ZNF583: variants seen among roughly 807,000 people sequenced by gnomAD.
The protein encoded by ZNF583 is zinc finger protein L3-5.
A neutral mutation model predicts 55.3 loss-of-function variants in ZNF583; 30 were observed. That is an observed-to-expected ratio of 0.54 (90% CI 0.41 to 0.74). The LOEUF (loss-of-function observed/expected upper bound fraction) is 0.74, where lower values mean the gene tolerates loss of function less well. Ranked by LOEUF, ZNF583 falls within the 30% of genes least tolerant of loss-of-function variation. ZNF583 has a pLI of 0.00. For missense variants in ZNF583, 504 were observed against 664.7 expected, an observed-to-expected ratio of 0.76 and a Z score of 2.66; for synonymous variants, 208 against 220.0, an observed-to-expected ratio of 0.95 and a Z score of 0.48.
Position 56,407,106 on chromosome 19 carries a change from C to T in ZNF583, c.-9C>T, listed in dbSNP as rs2042165952. ...AGAAGAACTGTCAAATTCTGGAATC[C>T]TTAAAGCCATGTCCAAGGTAAGGAA... is the stretch of plus-strand genomic sequence containing the variant. On this transcript the variant is annotated 5_prime_UTR_variant, in exon 2 of 5. Transcript: ENST00000333201. The T allele has an allele frequency of 6.2e-7, 1 of 1,613,980 alleles. No individual in the cohort carries two copies. Among genetic ancestry groups the T allele is most frequent in the Non-Finnish European group, 8.5e-7 (1 of 1,180,016 alleles).
chr19:56,424,267 C>A lies in ZNF583; in HGVS notation c.1609C>A (p.His537Asn). The change falls in exon 5 of 5, where the codon CAT (histidine) becomes AAT (asparagine). Residue 537 changes from histidine to asparagine, a missense_variant. His to Asn is a moderately conservative substitution (Grantham distance 68). This residue lies in a region of ZNF583 where 63 missense variants were observed against 56.5 expected (regional missense o/e 1.11). Transcript: ENST00000333201. ...KSFRQRAHLA[H>N]HERIHTMESF... ...TTTCAGGCAGCGTGCACATCTTGCT[C>A]ATCATGAGAGAATTCATACTATGGA... is the stretch of plus-strand genomic sequence containing the variant. The A allele has an allele frequency of 6.2e-7, 1 of 1,613,960 alleles. No homozygotes were observed.
chr19:56,426,921 A>T lies in ZNF583; in HGVS notation c.*2553A>T, dbSNP rs1356468339. On this transcript the variant is annotated 3_prime_UTR_variant, in exon 5 of 5. Coordinates refer to ENST00000333201, the MANE Select transcript of ZNF583 (RefSeq NM_152478.3). Reference sequence around the variant, plus strand: ...CTCCAGATTCTATTATACACATAGAACAATGTAAATGATTCTTAAAAAAAA... The same window carrying T: ...CTCCAGATTCTATTATACACATAGATCAATGTAAATGATTCTTAAAAAAAA... 1 of 144,530 alleles carries T rather than the reference A, an allele frequency of 6.9e-6. No homozygotes were observed. Among genetic ancestry groups the T allele is most frequent in the Non-Finnish European group, 1.5e-5 (1 of 66,352 alleles). 9.0% of individuals were successfully genotyped at this position (144,530 alleles called of 1,614,324 possible).
In ZNF583 at chr19:56,418,663, G is replaced by A. The variant is rs552476888; in HGVS notation, c.232+4223G>A. On this transcript the variant is annotated intron_variant, in intron 4 of 4. Coordinates refer to ENST00000333201, the MANE Select transcript of ZNF583 (RefSeq NM_152478.3). ...TAATGGTTGCCCTCACAGTTATTTTGTAGGTCCATGAGGATTTTTTGGATG... is the reference window on the plus strand; with the variant it reads ...TAATGGTTGCCCTCACAGTTATTTTATAGGTCCATGAGGATTTTTTGGATG... Among the ~76,000 whole-genome samples, 5 of 152,090 alleles carry A rather than the reference G, an allele frequency of 3.3e-5. No individual in the cohort carries two copies. In the East Asian group the frequency reaches 9.6e-4, roughly 29 times the overall value.
chr19:56,406,446 T>C (rs1355008005), intron 1 of ZNF583, among the ~76,000 whole-genome samples: 2 of 152,140 alleles, frequency 1.3e-5, no homozygotes, highest in Non-Finnish European at 2.9e-5. Context: ...AATCCTTGCT[T>C]GGTAATACCA....
At position 56,424,496 on chromosome 19, in the gene ZNF583, T is replaced by C. The variant is rs1412710799; in HGVS notation, c.*128T>C. ...GTCTCCTTGTACTCACCATTGTCTC[T>C]GTCAGATGTCCACATTGCAACCAAA... On this transcript the variant is annotated 3_prime_UTR_variant, in exon 5 of 5. Coordinates refer to ENST00000333201, the MANE Select transcript of ZNF583 (RefSeq NM_152478.3). The C allele has an allele frequency of 6.4e-5, 36 of 560,188 alleles. No homozygotes were observed. Among genetic ancestry groups the C allele is most frequent in the Non-Finnish European group, 2.8e-5 (9 of 316,232 alleles). 34.7% of individuals were successfully genotyped at this position (560,188 alleles called of 1,614,324 possible). A position where few individuals can be genotyped will look rare whatever the true frequency, so the allele number is the denominator to read the frequency against.
In ZNF583 at chr19:56,407,008, T is replaced by G; in HGVS notation, c.-89-18T>G. The G allele has an allele frequency of 7.4e-7, 1 of 1,359,118 alleles. No individual in the cohort carries two copies. Among genetic ancestry groups the G allele is most frequent in the Non-Finnish European group, 1.0e-6 (1 of 969,942 alleles). 84.2% of individuals were successfully genotyped at this position (1,359,118 alleles called of 1,614,324 possible). A position where few individuals can be genotyped will look rare whatever the true frequency, so the allele number is the denominator to read the frequency against. ...GCAGGGCAGGCCTGGCATTTTATGG[T>G]TTCTTTTCCTTCTCCAGCTCGACTT... On this transcript the variant is annotated intron_variant, in intron 1 of 4. Transcript: ENST00000333201.
rs535152309 is a variant in ZNF583, at chr19:56,421,516, C to T, written c.233-1375C>T. ...GAGGCAGCACAGCGGAATTAGCAGCCTCAATTTAAGTATGTTGCCTTCAGA... is the reference window on the plus strand; with the variant it reads ...GAGGCAGCACAGCGGAATTAGCAGCTTCAATTTAAGTATGTTGCCTTCAGA... On this transcript the variant is annotated intron_variant, in intron 4 of 4. Transcript: ENST00000333201. The T allele has an allele frequency of 8.1e-6, 8 of 985,092 alleles. No individual in the cohort carries two copies. The South Asian group carries it at 3.8e-4, about 46-fold the overall frequency. The allele number at this position is 985,092 out of a possible 1,614,324, so 61.0% of individuals were successfully genotyped here. A position where few individuals can be genotyped will look rare whatever the true frequency, so the allele number is the denominator to read the frequency against.
At chr19:56,415,508 A>T (rs1409137917) in intron 4 of ZNF583, among the ~76,000 whole-genome samples, 1 of 152,136 alleles carries the variant, frequency 6.6e-6, no homozygotes, top group African/African-American at 2.4e-5. Flanking sequence ...CTTTGTGGGG[A>T]AGTGAATCTT....
At chr19:56,412,374 A>G (rs972414294) in intron 2 of ZNF583, among the ~76,000 whole-genome samples, 3 of 152,206 alleles carry the variant, frequency 2.0e-5, no homozygotes, top group Non-Finnish European at 2.9e-5. Context: ...GGAGCAAACT[A>G]GGTCTTGTTC....
intron 2 of ZNF583, among the ~76,000 whole-genome samples, chr19:56,412,172 A>G (rs1205233557): frequency 6.6e-6 from 1 of 152,208 alleles, no homozygotes; most frequent in East Asian, 1.9e-4. Context: ...TGAGTGTGGC[A>G]GTATTTCAGT....
intron 4 of ZNF583, among the ~76,000 whole-genome samples, chr19:56,418,903 G>T (rs1482528727): frequency 3.3e-5 from 5 of 152,084 alleles, no homozygotes; most frequent in Admixed American, 6.5e-5. Flanking sequence ...AGATGTCCTT[G>T]ATCAGTTTGA....
intron 4 of ZNF583, 66 bp downstream of exon 4, chr19:56,414,506 T>G: frequency 6.8e-7 from 1 of 1,466,128 alleles, no homozygotes; most frequent in Non-Finnish European, 9.4e-7. Flanking sequence ...TCTGAAAGAT[T>G]TCAGTTCATA....
chr19:56,427,065 A>G lies in ZNF583; in HGVS notation c.*2697A>G, dbSNP rs1306614548. 6.6e-6 allele frequency: 1 copy of G among 152,286 alleles called. No homozygotes were observed. Among genetic ancestry groups the G allele is most frequent in the African/African-American group, 2.4e-5 (1 of 41,560 alleles). The allele number at this position is 152,286 out of a possible 1,614,324, so 9.4% of individuals were successfully genotyped here. A position where few individuals can be genotyped will look rare whatever the true frequency, so the allele number is the denominator to read the frequency against. ...TATATGCGAATGACCGAAGGGTTTT[A>G]AAAATGGAATCTAGTCTGCCCAAAG... On this transcript the variant is annotated 3_prime_UTR_variant, in exon 5 of 5. Transcript: ENST00000333201.
rs146849700 is a variant in ZNF583, at chr19:56,422,966, C to T, written c.308C>T (p.Thr103Ile). 21 of 1,613,570 alleles carry T rather than the reference C, an allele frequency of 1.3e-5. No individual in the cohort carries two copies. Among genetic ancestry groups the T allele is most frequent in the Non-Finnish European group, 1.8e-5 (21 of 1,179,786 alleles). The change falls in exon 5 of 5, where the codon ACA becomes ATA. Residue 103 changes from threonine (T) to isoleucine (I), a missense_variant. Physicochemically the swap from Thr to Ile is moderately conservative, Grantham distance 89. Coordinates refer to ENST00000333201, the MANE Select transcript of ZNF583 (RefSeq NM_152478.3). Reference protein sequence around the residue: ...ETYEESSKVVTVGARHLSYSL... With the variant: ...ETYEESSKVVIVGARHLSYSL... ...TATGAAGAATCATCCAAAGTTGTGA[C>T]AGTGGGAGCAAGACATCTTAGTTAT...
chr19:56,422,810 G>A, intron 4 of ZNF583, 81 bp from the exon 5 acceptor site: 1 of 990,896 alleles, frequency 1.0e-6, no homozygotes, highest in Non-Finnish European at 1.4e-6. Flanking sequence ...AACTTGTGAT[G>A]TATTTTATTC....
At chr19:56,420,240 T>C (rs2147602042) in intron 4 of ZNF583, among the ~76,000 whole-genome samples, 1 of 152,322 alleles carries the variant, frequency 6.6e-6, no homozygotes, top group East Asian at 1.9e-4. Context: ...CTAGGTATTA[T>C]TGATTTAAAA....
At chr19:56,412,108 T>A (rs2042247812) in intron 2 of ZNF583, among the ~76,000 whole-genome samples, 1 of 152,196 alleles carries the variant, frequency 6.6e-6, no homozygotes, top group Admixed American at 6.5e-5. Flanking sequence ...GAATTCCTTA[T>A]GGAGAAATCT....
intron 4 of ZNF583, among the ~76,000 whole-genome samples, chr19:56,417,893 A>G (rs1271511036): frequency 1.3e-5 from 2 of 152,116 alleles, no homozygotes; most frequent in East Asian, 3.8e-4. Flanking sequence ...CTTTGTCAGG[A>G]AAGACTTTCC....
intron 4 of ZNF583, among the ~76,000 whole-genome samples, chr19:56,419,921 G>A (rs117102878): frequency 0.014 from 2,146 of 152,010 alleles, 20 homozygotes; most frequent in Non-Finnish European, 0.024. Context: ...TATTTCCTCT[G>A]TTGTTGTTTT....
Sources: allele counts gnomAD v4.1 joint callset (sites outside exome capture counted in the v4.1 genomes callset), GRCh38; gene constraint gnomAD v4.1.1; regional missense constraint gnomAD v4.1.1; transcripts MANE v1.5; gene names NCBI Gene and HGNC (gene_info 2026-07-23, HGNC 2026-07-21).